The following DPH7 variants were observed in gnomAD, a reference collection of about 807,000 sequenced individuals.
DPH7 encodes the protein diphthamide biosynthesis 7.
In DPH7, 44 loss-of-function variants were observed where a neutral mutation model predicts 41.7. That is an observed-to-expected ratio of 1.05 (90% CI 0.83 to 1.36). The LOEUF (loss-of-function observed/expected upper bound fraction) is 1.36, where lower values mean the gene tolerates loss of function less well. Ranked by LOEUF, DPH7 falls within the 40% of genes most tolerant of loss-of-function variation. The pLI is 0.00. For missense variants in DPH7, 629 were observed against 577.5 expected (o/e 1.09, Z -0.91); for synonymous variants, 275 against 238.0 (o/e 1.16, Z -1.43).
chr9:137,575,881 T>C (rs1841290860), intron 3 of DPH7, 199 bp downstream of exon 3: 1 of 1,397,482 alleles, frequency 7.2e-7, no homozygotes, highest in Middle Eastern at 2.3e-4. Flanking sequence ...TGGTGACACA[T>C]GAGGTGACTT....
At position 137,578,864 on chromosome 9, in the gene DPH7, G is replaced by A. The variant is rs958273218; in HGVS notation, c.-87C>T. 1.6e-5 allele frequency: 21 copies of A among 1,294,742 alleles called. No individual in the cohort carries two copies. Among genetic ancestry groups the A allele is most frequent in the East Asian group, 6.3e-5 (2 of 31,554 alleles). 80.2% of individuals were successfully genotyped at this position (1,294,742 alleles called of 1,614,324 possible). ...TACTGCGCGGGGCGGCGAGGCCGGG[G>A]CCGGCCGGACGAGCGCAGAGCCCCA... On this transcript the variant is annotated 5_prime_UTR_variant, in exon 1 of 9. Transcript: ENST00000277540.
intron 8 of DPH7, 74 bp from the exon 9 acceptor site, chr9:137,555,722 A>AGGTTG: frequency 6.7e-7 from 1 of 1,482,286 alleles, no homozygotes; most frequent in Non-Finnish European, 9.0e-7. Flanking sequence ...CACACCTGAC[A>AGGTTG]GGGAGACTCC....
Position 137,577,540 on chromosome 9 carries a change from C to A in DPH7, c.217G>T (p.Asp73Tyr), listed in dbSNP as rs774572471. The change falls in exon 2 of 9, where the codon GAC (aspartate) becomes TAC (tyrosine). Residue 73 changes from aspartate (D) to tyrosine (Y), a missense_variant. Physicochemically the swap from Asp to Tyr is radical, Grantham distance 160. Transcript: ENST00000277540. The stretch of plus-strand genomic sequence containing the variant: ...ACCAGAGGGTGAATAGAGTTGTTGT[C>A]ATTGAAACTGTACAGGAAGAGACGG... ...LGRLFLYSFN[D>Y]NNSIHPLVEV... The A allele has an allele frequency of 4.5e-5, 72 of 1,613,912 alleles. No homozygotes were observed. Among genetic ancestry groups the A allele is most frequent in the Non-Finnish European group, 5.9e-5 (70 of 1,179,970 alleles).
intron 4 of DPH7, 94 bp from the exon 5 acceptor site, chr9:137,574,474 C>G: frequency 7.4e-7 from 1 of 1,360,346 alleles, no homozygotes; most frequent in Non-Finnish European, 1.0e-6. Flanking sequence ...GTCTCCACAG[C>G]CCTGGGATGC....
At chr9:137,569,954 CA>C (rs1840133071) in intron 5 of DPH7, among the ~76,000 whole-genome samples, 1 of 149,268 alleles carries the variant, frequency 6.7e-6, no homozygotes, top group African/African-American at 2.5e-5. Flanking sequence ...ACCCACCATC[CA>C]AAAATCCATC....
Position 137,555,278 on chromosome 9 carries a change from A to T in DPH7, c.1320T>A (p.Tyr440Ter), listed in dbSNP as rs1837262203. The T allele has an allele frequency of 1.2e-6, 2 of 1,613,394 alleles. No individual in the cohort carries two copies. The highest frequency in any genetic ancestry group is 1.7e-6 in the Non-Finnish European group (2 of 1,179,600). ...ACTCCCAGAGGTGGAGCGCATGGTC[A>T]TAGAAGGAGCAGGTGGCCAGGAGGC... ...AFSLLATCSF[Y>*]DHALHLWEWE... The change falls in exon 9 of 9, where the codon TAT becomes TAA. Residue 440 changes from tyrosine (Y) to a stop codon, truncating the protein, a stop_gained. Transcript: ENST00000277540. LOFTEE classifies it high-confidence loss of function.
At chr9:137,575,394 A>G (rs1351538032) in intron 3 of DPH7, 3 of 988,340 alleles carry the variant, frequency 3.0e-6, no homozygotes, top group Non-Finnish European at 3.6e-6. Context: ...CTGCTGTACC[A>G]AAGCCCTTTC....
chr9:137,574,898 A>G, intron 3 of DPH7, 55 bp from the exon 4 acceptor site: 13 of 1,606,434 alleles, frequency 8.1e-6, no homozygotes, highest in Non-Finnish European at 1.0e-5. Context: ...AGAACCCCCA[A>G]AAGACTTTTC....
chr9:137,563,677 C>T (rs1839031505), intron 8 of DPH7, among the ~76,000 whole-genome samples: 1 of 151,966 alleles, frequency 6.6e-6, no homozygotes, highest in African/African-American at 2.4e-5. Context: ...GTGGGTGGCC[C>T]GAGAGGCTGG....
intron 7 of DPH7, 37 bp downstream of exon 7, chr9:137,564,856 G>A (rs764284129): frequency 3.2e-6 from 5 of 1,572,272 alleles, no homozygotes; most frequent in South Asian, 1.2e-5. Flanking sequence ...GACAGCGAAA[G>A]AGACGAGAAG....
In DPH7 at chr9:137,564,530, C is replaced by T. The variant is rs764935953; in HGVS notation, c.853G>A (p.Val285Ile). The change falls in exon 8 of 9, where the codon GTA becomes ATA. Residue 285 changes from valine to isoleucine, a missense_variant. Transcript: ENST00000277540. ...AAAGGGTGCCACTTGATTCTCCATACCCCACCCTGCACAGGCGTATCTGCC... is the reference window on the plus strand; with the variant it reads ...AAAGGGTGCCACTTGATTCTCCATATCCCACCCTGCACAGGCGTATCTGCC... ...PLADTPVQGGVWRIKWHPFHH... is the reference protein window; with the variant it reads ...PLADTPVQGGIWRIKWHPFHH... 6.2e-7 allele frequency: 1 copy of T among 1,614,144 alleles called. No homozygotes were observed. The highest frequency in any genetic ancestry group is 8.5e-7 in the Non-Finnish European group (1 of 1,180,004).
intron 8 of DPH7, among the ~76,000 whole-genome samples, chr9:137,559,007 G>A (rs944934302): frequency 4.6e-5 from 7 of 152,254 alleles, no homozygotes; most frequent in East Asian, 1.9e-4. Flanking sequence ...CCCAGGCACC[G>A]AGGCAAGAGA....
Position 137,555,214 on chromosome 9 carries a change from G to A in DPH7, c.*25C>T, listed in dbSNP as rs753776441. On this transcript the variant is annotated 3_prime_UTR_variant, in exon 9 of 9. Transcript: ENST00000277540. ...GCAGTCTCCCTCCTGGTTTCCTTGTGGGAAGGGGCTTCATGATTTCAAGCT... is the reference window on the plus strand; with the variant it reads ...GCAGTCTCCCTCCTGGTTTCCTTGTAGGAAGGGGCTTCATGATTTCAAGCT... 1 of 1,562,804 alleles carries A rather than the reference G, an allele frequency of 6.4e-7. No individual in the cohort carries two copies. Among genetic ancestry groups the A allele is most frequent in the Non-Finnish European group, 8.7e-7 (1 of 1,152,322 alleles).
At chr9:137,561,928 G>A (rs914656502) in intron 8 of DPH7, among the ~76,000 whole-genome samples, 10 of 152,216 alleles carry the variant, frequency 6.6e-5, no homozygotes, top group Non-Finnish European at 1.3e-4. Context: ...GCAGTGGCGC[G>A]ATCTCGGCTC....
intron 8 of DPH7, among the ~76,000 whole-genome samples, chr9:137,557,638 G>A (rs185279448): frequency 1.3e-5 from 2 of 152,118 alleles, no homozygotes; most frequent in South Asian, 2.1e-4. Flanking sequence ...GGGAAACATG[G>A]TGAAACCCCA....
At chr9:137,574,700 G>A in intron 4 of DPH7, 52 bp downstream of exon 4, 3 of 1,566,406 alleles carry the variant, frequency 1.9e-6, no homozygotes, top group Non-Finnish European at 2.6e-6. Context: ...CTGAAAAGTG[G>A]AAGTGGTTCT....
intron 4 of DPH7, 134 bp downstream of exon 4, chr9:137,574,618 G>A: frequency 1.1e-6 from 1 of 930,576 alleles, no homozygotes; most frequent in Non-Finnish European, 1.7e-6. Context: ...TTTCATAATA[G>A]GACTGGCAGT....
At chr9:137,565,045 G>A (rs766418103) in intron 6 of DPH7, 40 bp downstream of exon 6, 2 of 1,613,152 alleles carry the variant, frequency 1.2e-6, no homozygotes, top group African/African-American at 1.3e-5. Flanking sequence ...GGAACGCGGG[G>A]GCTGGTGTGG....
At chr9:137,573,232 G>C (rs1094334) in intron 5 of DPH7, among the ~76,000 whole-genome samples, 8,413 of 151,188 alleles carry the variant, frequency 0.056, 756 homozygotes, top group African/African-American at 0.19. Flanking sequence ...GTGGTGGCGG[G>C]CACCTGTAGT....
Sources: allele counts gnomAD v4.1 joint callset (sites outside exome capture counted in the v4.1 genomes callset), GRCh38; gene constraint gnomAD v4.1.1; transcripts MANE v1.5; gene names NCBI Gene and HGNC (gene_info 2026-07-23, HGNC 2026-07-21).